The following BAIAP2 variants were observed in gnomAD, a reference collection of about 807,000 sequenced individuals.
The protein encoded by BAIAP2 is BAR/IMD domain containing adaptor protein 2, also known as BAR/IMD domain-containing adapter protein 2.
In BAIAP2, 18 loss-of-function variants were observed where a neutral mutation model predicts 63.0. The observed-to-expected ratio is 0.29, with a 90% CI of 0.20 to 0.42. The LOEUF (loss-of-function observed/expected upper bound fraction) is 0.42. BAIAP2 is among the 10% of genes least tolerant of loss of function. The pLI is 1.00. For missense variants in BAIAP2, 610 were observed against 734.3 expected, an observed-to-expected ratio of 0.83 and a Z score of 1.96; for synonymous variants, 386 against 307.6, an observed-to-expected ratio of 1.25 and a Z score of -2.67.
At chr17:81,063,912 C>T (rs11150768) in intron 3 of BAIAP2, 10,790 of 152,202 alleles carry the variant, frequency 0.071, 513 homozygotes, top group East Asian at 0.23. Flanking sequence ...GAGCCCCTCC[C>T]AGGAAGGCAG....
chr17:81,112,192 G>A (rs2060003602), intron 13 of BAIAP2, among the ~76,000 whole-genome samples: 1 of 152,218 alleles, frequency 6.6e-6, no homozygotes, highest in African/African-American at 2.4e-5. Flanking sequence ...GAGCTGAGGG[G>A]GCTGAACTGC....
intron 6 of BAIAP2, chr17:81,086,990 G>GTTGT (rs567454782): frequency 1.2e-3 from 217 of 182,994 alleles, no homozygotes; most frequent in Admixed American, 1.8e-3. Flanking sequence ...CGGCTTCGGT[G>GTTGT]TTGTTTCTCT....
chr17:81,106,812 C>G lies in BAIAP2; in HGVS notation c.1405C>G (p.Pro469Ala), dbSNP rs148086211. 1.5e-5 allele frequency: 24 copies of G among 1,612,298 alleles called. No individual in the cohort carries two copies. Among genetic ancestry groups the G allele is most frequent in the East Asian group, 1.3e-4 (6 of 44,888 alleles). The stretch of plus-strand genomic sequence containing the variant: ...CAAGGACGACCTGGCCATCCCACCC[C>G]CCGATTACGGCGCCGCCTCCCGGGC... ...LDKDDLAIPP[P>A]DYGAASRAFP... Residue 469 changes from proline (P) to alanine (A), a missense_variant, in exon 12 of 14, where the codon CCC (proline) becomes GCC (alanine). By Grantham distance (27) the Pro-to-Ala change is conservative (BLOSUM62 -1). Around this residue, in one of 5 missense-constraint regions of BAIAP2, gnomAD observed 114 missense variants for 98.2 expected, o/e 1.16. Transcript: ENST00000428708.
Position 81,103,696 on chromosome 17 carries a change from GC to G in BAIAP2, c.843del (p.Glu282SerfsTer18). ...PIPGAKPLPV[P>X]PELAPFVGRM... ...TTCCGGGGGCCAAGCCCCTGCCGGT[GC>G]CCCCCGAGCTGGCACCGTTCGTGGG... is the stretch of plus-strand genomic sequence containing the variant. On this transcript the variant is annotated frameshift_variant, in exon 8 of 14. Coordinates refer to ENST00000428708, the MANE Select transcript of BAIAP2 (RefSeq NM_001144888.2). LOFTEE classifies it high-confidence loss of function. The G allele has an allele frequency of 2.5e-6, 4 of 1,591,456 alleles. No individual in the cohort carries two copies. The highest frequency in any genetic ancestry group is 1.7e-5 in the Admixed American group (1 of 58,138).
chr17:81,043,428 G>A (rs111475218), intron 1 of BAIAP2, among the ~76,000 whole-genome samples: 6 of 152,242 alleles, frequency 3.9e-5, no homozygotes, highest in South Asian at 2.1e-4. Flanking sequence ...GCCCCAGGCC[G>A]TGGAGCAGAG....
At position 81,117,301 on chromosome 17, in the gene BAIAP2, TTG is replaced by T. The variant is rs1379987921; in HGVS notation, c.*1464_*1465del. 1 of 152,214 alleles carries T rather than the reference TTG, an allele frequency of 6.6e-6. No individual in the cohort carries two copies. Among genetic ancestry groups the T allele is most frequent in the East Asian group, 1.9e-4 (1 of 5,190 alleles). 9.4% of individuals were successfully genotyped at this position (152,214 alleles called of 1,614,324 possible). ...AGAAGACAACACACAAAGGTTTCTT[TTG>T]TCTTAGCTTCATTTCTCTTAAAAAA... On this transcript the variant is annotated 3_prime_UTR_variant, in exon 14 of 14. Coordinates refer to ENST00000428708, the MANE Select transcript of BAIAP2 (RefSeq NM_001144888.2).
intron 1 of BAIAP2, among the ~76,000 whole-genome samples, chr17:81,047,857 C>T (rs1314318638): frequency 2.0e-5 from 3 of 152,232 alleles, no homozygotes; most frequent in East Asian, 1.9e-4. Context: ...CACAGGTAAA[C>T]GCATGCAGCA....
intron 3 of BAIAP2, among the ~76,000 whole-genome samples, chr17:81,058,517 C>T (rs1010055553): frequency 6.6e-6 from 1 of 152,212 alleles, no homozygotes; most frequent in African/African-American, 2.4e-5. Flanking sequence ...GTGCTGCAGG[C>T]GTGGCTTAGA....
chr17:81,049,702 T>A (rs1233291927), intron 1 of BAIAP2, among the ~76,000 whole-genome samples: 2 of 152,068 alleles, frequency 1.3e-5, no homozygotes, highest in Non-Finnish European at 2.9e-5. Flanking sequence ...CTGCTGTTGG[T>A]TTTCATTCCG....
intron 3 of BAIAP2, among the ~76,000 whole-genome samples, chr17:81,076,005 C>T (rs2053604010): frequency 6.6e-6 from 1 of 151,892 alleles, no homozygotes; most frequent in Non-Finnish European, 1.5e-5. Flanking sequence ...TGCCTGCACC[C>T]GGGTGTTCCC....
chr17:81,097,996 AC>A, intron 6 of BAIAP2: 1 of 780,118 alleles, frequency 1.3e-6, no homozygotes, highest in Non-Finnish European at 1.7e-6. Flanking sequence ...GGAATCGGGA[AC>A]CCCGGGTGCC....
intron 6 of BAIAP2, among the ~76,000 whole-genome samples, chr17:81,089,609 C>T (rs61622898): frequency 0.22 from 32,305 of 148,660 alleles, 4,000 homozygotes; most frequent in East Asian, 0.5. Flanking sequence ...TCACAAAGCC[C>T]CCCTCGTCCG....
intron 3 of BAIAP2, among the ~76,000 whole-genome samples, chr17:81,058,607 C>T (rs566497127): frequency 1.0e-3 from 156 of 152,342 alleles, no homozygotes; most frequent in African/African-American, 3.4e-3. Flanking sequence ...GACCCCGGGC[C>T]GGCTGCCTGT....
At position 81,065,385 on chromosome 17, in the gene BAIAP2, C is replaced by A. The variant is rs138838392; in HGVS notation, c.217+7418C>A. Among the ~76,000 whole-genome samples the A allele has an allele frequency of 3.9e-3, 591 of 152,332 alleles. 3 individuals carry two copies. The highest frequency in any genetic ancestry group is 0.013 in the African/African-American group (548 of 41,572). On this transcript the variant is annotated intron_variant, in intron 3 of 13. Transcript: ENST00000428708. ...ATTTGCTAAGATGTGTGAGTGGCTC[C>A]TCCTCTGTTTTGGGCACCTCCCTGG...
chr17:81,061,847 G>A (rs888323259), intron 3 of BAIAP2, among the ~76,000 whole-genome samples: 3 of 152,108 alleles, frequency 2.0e-5, no homozygotes, highest in Non-Finnish European at 4.4e-5. Context: ...CTTAAGTTAC[G>A]AGAGTCCTCT....
intron 6 of BAIAP2, among the ~76,000 whole-genome samples, chr17:81,095,965 A>G (rs930049408): frequency 6.6e-6 from 1 of 152,152 alleles, no homozygotes; most frequent in Non-Finnish European, 1.5e-5. Flanking sequence ...ACCGTAGCCT[A>G]AAAACCCAGA....
At chr17:81,091,170 C>G (rs1186021407) in intron 6 of BAIAP2, among the ~76,000 whole-genome samples, 2 of 132,468 alleles carry the variant, frequency 1.5e-5, no homozygotes, top group Non-Finnish European at 3.3e-5. Context: ...CAGTGCACCC[C>G]ACCCCCATTT....
At chr17:81,093,612 GC>G (rs1265260088) in intron 6 of BAIAP2, among the ~76,000 whole-genome samples, 6 of 152,082 alleles carry the variant, frequency 3.9e-5, no homozygotes, top group Admixed American at 2.6e-4. Context: ...CTGGGAAGCG[GC>G]ACTGGTGCTC....
intron 3 of BAIAP2, among the ~76,000 whole-genome samples, chr17:81,066,508 C>T (rs990697394): frequency 2.6e-5 from 4 of 152,176 alleles, no homozygotes; most frequent in African/African-American, 9.7e-5. Flanking sequence ...GGCCTGGGGC[C>T]CCCACAGGTC....
Sources: allele counts gnomAD v4.1 joint callset (sites outside exome capture counted in the v4.1 genomes callset), GRCh38; gene constraint gnomAD v4.1.1; regional missense constraint gnomAD v4.1.1; transcripts MANE v1.5; gene names NCBI Gene and HGNC (gene_info 2026-07-23, HGNC 2026-07-21).